Variants in ARL6IP4 observed in about 807,000 individuals in gnomAD.
ARL6IP4 encodes the protein ADP-ribosylation factor-like protein 6-interacting protein 4.
A neutral mutation model predicts 28.1 loss-of-function variants in ARL6IP4; 24 were observed. The ratio of observed to expected loss-of-function variants is 0.86; its 90% CI spans 0.62 to 1.20. The LOEUF is 1.20. Among genes scored for constraint, ARL6IP4 ranks in the 50% most tolerant of loss-of-function variants. ARL6IP4 has a pLI of 0.00. For missense variants in ARL6IP4, 343 were observed against 302.4 expected (o/e 1.13, Z -1.00); for synonymous variants, 162 against 122.3 (o/e 1.32, Z -2.14).
chr12:122,981,374 G>C, intron 2 of ARL6IP4, 75 bp downstream of exon 2: 4 of 1,481,840 alleles, frequency 2.7e-6, no homozygotes, highest in Non-Finnish European at 3.6e-6. Context: ...GGTCGGGGAC[G>C]CTCAGTCATG....
rs771311245 is a variant in ARL6IP4, at chr12:122,981,698, C to T, written c.288C>T (p.Ser96=). ...SSSSSSSSSS[S]SSDGRKKRGK... is the part of the protein sequence containing the mutation. The stretch of plus-strand genomic sequence containing the variant: ...CTTCCTCCTCGTCCTCCTCCTCTTC[C>T]TCCAGTGATGGCCGGAAGAAGCGGG... The change falls in exon 3 of 6, where the codon TCC becomes TCT. Residue 96 remains serine, a synonymous_variant. Coordinates refer to ENST00000315580, the MANE Select transcript of ARL6IP4 (RefSeq NM_018694.4). The T allele has an allele frequency of 1.4e-5, 22 of 1,553,266 alleles. No homozygotes were observed. The highest frequency in any genetic ancestry group is 1.7e-4 in the Middle Eastern group (1 of 6,020).
chr12:122,982,409 C>T (rs1254143847), intron 4 of ARL6IP4, 60 bp from the exon 5 acceptor site: 25 of 1,497,842 alleles, frequency 1.7e-5, no homozygotes, highest in Non-Finnish European at 2.3e-5. Flanking sequence ...TGTGGTTCTG[C>T]TCCTCTGGCA....
chr12:122,982,317 A>C, intron 4 of ARL6IP4, 152 bp from the exon 5 acceptor site: 1 of 871,360 alleles, frequency 1.1e-6, no homozygotes. Context: ...CACTGCCTTC[A>C]TCAGGGAGAG....
At chr12:122,980,677 A>C (rs1246770574), upstream of ARL6IP4, 2 of 1,350,962 alleles carry the variant, frequency 1.5e-6, no homozygotes, top group Admixed American at 3.9e-5. Context: ...CCCCGGCCGG[A>C]AGCCTCCTCG....
intron 1 of ARL6IP4, 130 bp from the exon 2 acceptor site, chr12:122,980,999 T>C: frequency 2.1e-6 from 3 of 1,400,688 alleles, no homozygotes; most frequent in Non-Finnish European, 2.8e-6. Flanking sequence ...TGGGTGAGGG[T>C]CGCTCATTTT....
In ARL6IP4 at chr12:122,981,646, C is replaced by T. The variant is rs1257472371; in HGVS notation, c.236C>T (p.Ser79Phe). The T allele has an allele frequency of 4.5e-6, 7 of 1,558,796 alleles. No homozygotes were observed. The highest frequency in any genetic ancestry group is 1.2e-5 in the South Asian group (1 of 85,086). The stretch of plus-strand genomic sequence containing the variant: ...AGAACAAGATCCAGCTCCTCCTCCT[C>T]TTCTTCCAGTTCTTCTAGCTCCTCT... ...RRRTRSSSSS[S>F]SSSSSSSSSS... The change falls in exon 3 of 6, where the codon TCT (serine) becomes TTT (phenylalanine). Residue 79 changes from serine (S) to phenylalanine (F), a missense_variant. Transcript: ENST00000315580.
chr12:122,980,965 A>C, intron 1 of ARL6IP4, 164 bp from the exon 2 acceptor site: 1 of 1,382,206 alleles, frequency 7.2e-7, no homozygotes, highest in South Asian at 1.6e-5. Context: ...CGGCGGAGAA[A>C]ACCGGGGTCC....
chr12:122,981,947 TC>T lies in ARL6IP4; in HGVS notation c.470-7del. ...CAAGGCCTGGCCACCACCTCCGTCTTCCCTTCCAGTCCTGACGGATGAGCAG... is the reference window on the plus strand; with the variant it reads ...CAAGGCCTGGCCACCACCTCCGTCTTCCTTCCAGTCCTGACGGATGAGCAG... On this transcript the variant is annotated splice_polypyrimidine_tract_variant and intron_variant, in intron 3 of 5. Coordinates refer to ENST00000315580, the MANE Select transcript of ARL6IP4 (RefSeq NM_018694.4). 6.2e-7 allele frequency: 1 copy of T among 1,613,458 alleles called. No homozygotes were observed. Among genetic ancestry groups the T allele is most frequent in the Non-Finnish European group, 8.5e-7 (1 of 1,179,946 alleles).
At position 122,981,294 on chromosome 12, in the gene ARL6IP4, C is replaced by T. The variant is rs201581935; in HGVS notation, c.155C>T (p.Ala52Val). Residue 52 changes from alanine to valine, a missense_variant, in exon 2 of 6, where the codon GCG (alanine) becomes GTG (valine). By Grantham distance (64) the Ala-to-Val change is moderately conservative. Coordinates refer to ENST00000315580, the MANE Select transcript of ARL6IP4 (RefSeq NM_018694.4). ...CGCAAGGCCAGCACGGCCCCTGGGG[C>T]GGAGGGTGAGGACCACAGGCATCGG... ...QGRKASTAPG[A>V]EASPSPCITE... 18 of 1,547,208 alleles carry T rather than the reference C, an allele frequency of 1.2e-5. No homozygotes were observed. The East Asian group carries it at 4.4e-4, about 38-fold the overall frequency.
intron 4 of ARL6IP4, 195 bp from the exon 5 acceptor site, chr12:122,982,274 C>T (rs928611131): frequency 2.9e-5 from 23 of 801,350 alleles, no homozygotes; most frequent in Middle Eastern, 3.2e-4. Context: ...CTGTTGTTGG[C>T]CGGGCTGAGG....
In ARL6IP4 at chr12:122,982,050, T is replaced by C. The variant is rs1207687255; in HGVS notation, c.563T>C (p.Val188Ala). 1 of 1,613,528 alleles carries C rather than the reference T, an allele frequency of 6.2e-7. No individual in the cohort carries two copies. Among genetic ancestry groups the C allele is most frequent in the Admixed American group, 1.7e-5 (1 of 60,018 alleles). Reference sequence around the variant, plus strand: ...CGGCAGAGCATCATCCGCAAGGTGGTGGACCCTGAGACGGGGCGCACCAGG... The same window carrying C: ...CGGCAGAGCATCATCCGCAAGGTGGCGGACCCTGAGACGGGGCGCACCAGG... ...DARQSIIRKVVDPETGRTRLI... is the reference protein window; with the variant it reads ...DARQSIIRKVADPETGRTRLI... Residue 188 changes from valine to alanine, a missense_variant, in exon 4 of 6, where the codon GTG becomes GCG. Physicochemically the swap from Val to Ala is moderately conservative, Grantham distance 64. Coordinates refer to ENST00000315580, the MANE Select transcript of ARL6IP4 (RefSeq NM_018694.4).
chr12:122,981,426 C>G (rs934587071), intron 2 of ARL6IP4, 127 bp downstream of exon 2: 81 of 1,388,172 alleles, frequency 5.8e-5, no homozygotes, highest in Admixed American at 1.1e-4. Flanking sequence ...CCAGGCGCCG[C>G]AGGAGCCAGG....
In ARL6IP4 at chr12:122,981,112, G is replaced by A. The variant is rs1359787735; in HGVS notation, c.-11-17G>A. ...GCCTTGGGGGCTTCGGCTCAAGCGCGTCTTCTTCGTCGCCAGCCCGCGGCG... is the reference window on the plus strand; with the variant it reads ...GCCTTGGGGGCTTCGGCTCAAGCGCATCTTCTTCGTCGCCAGCCCGCGGCG... On this transcript the variant is annotated splice_polypyrimidine_tract_variant and intron_variant, in intron 1 of 5. Coordinates refer to ENST00000315580, the MANE Select transcript of ARL6IP4 (RefSeq NM_018694.4). The A allele has an allele frequency of 1.3e-6, 2 of 1,546,232 alleles. No individual in the cohort carries two copies. The highest frequency in any genetic ancestry group is 1.4e-5 in the African/African-American group (1 of 72,740).
At chr12:122,980,453 A>G (rs911674877), upstream of ARL6IP4, 4 of 1,361,676 alleles carry the variant, frequency 2.9e-6, no homozygotes, top group Non-Finnish European at 3.8e-6. Context: ...TTCCCAGGGC[A>G]CCGGGGGCGT....
intron 2 of ARL6IP4, 57 bp from the exon 3 acceptor site, chr12:122,981,514 C>T (rs2037652833): frequency 1.4e-6 from 2 of 1,468,242 alleles, no homozygotes; most frequent in African/African-American, 1.4e-5. Context: ...CGGTCTGTGC[C>T]TGCCCCAGGC....
chr12:122,980,386 G>A (rs769303922), upstream of ARL6IP4: 15 of 1,344,248 alleles, frequency 1.1e-5, no homozygotes, highest in African/African-American at 2.1e-4. Context: ...GCTCGCAGTC[G>A]TATGGAGAGG....
At chr12:122,982,576 T>C in intron 5 of ARL6IP4, 38 bp downstream of exon 5, 1 of 1,613,866 alleles carries the variant, frequency 6.2e-7, no homozygotes, top group Non-Finnish European at 8.5e-7. Context: ...CGCCCCCAGC[T>C]CTGTTTGTGA....
At chr12:122,980,662 C>T (rs1413747763), upstream of ARL6IP4, 2 of 1,375,820 alleles carry the variant, frequency 1.5e-6, no homozygotes, top group Non-Finnish European at 1.9e-6. Context: ...GCCTCCCGCG[C>T]AGCGCCCCGG....
Position 122,982,469 on chromosome 12 carries a change from G to A in ARL6IP4, c.588G>A (p.Arg196=). ...KVVDPETGRT[R]LIKGDGEVLE... is the part of the protein sequence containing the mutation. ...TGAACGGAGACCCTCCCACCCCCAG[G>A]CTTATTAAGGGAGATGGCGAGGTCC... Residue 196 remains arginine, a splice_region_variant and synonymous_variant, in exon 5 of 6, where the codon AGG becomes AGA. Coordinates refer to ENST00000315580, the MANE Select transcript of ARL6IP4 (RefSeq NM_018694.4). 6.2e-7 allele frequency: 1 copy of A among 1,612,750 alleles called. No individual in the cohort carries two copies. Among genetic ancestry groups the A allele is most frequent in the Non-Finnish European group, 8.5e-7 (1 of 1,179,356 alleles).
Sources: allele counts gnomAD v4.1 joint callset, GRCh38; gene constraint gnomAD v4.1.1; transcripts MANE v1.5; gene names NCBI Gene and HGNC (gene_info 2026-07-23, HGNC 2026-07-21).